RFK: variants seen among roughly 807,000 people sequenced by gnomAD.
The protein encoded by RFK is riboflavin kinase, also known as 0610038L10Rik.
RFK carries 4 observed loss-of-function variants against 17.6 expected under a neutral mutation model. The ratio of observed to expected loss-of-function variants is 0.23; its 90% CI spans 0.11 to 0.52. The LOEUF is 0.52. Ranked by LOEUF, RFK falls within the 20% of genes least tolerant of loss-of-function variation. The pLI, the probability that RFK is intolerant of heterozygous loss-of-function variation, is 0.96. For missense variants in RFK, 189 were observed against 187.7 expected (o/e 1.01, Z -0.04); for synonymous variants, 59 against 63.8 (o/e 0.92, Z 0.36).
rs760905516 is a variant in RFK, at chr9:76,392,716, C to G, written c.83-147G>C. 9.8e-6 allele frequency: 7 copies of G among 711,678 alleles called. No individual in the cohort carries two copies. The East Asian group carries it at 1.6e-4, about 16-fold the overall frequency. 44.1% of individuals were successfully genotyped at this position (711,678 alleles called of 1,614,324 possible). A position where few individuals can be genotyped will look rare whatever the true frequency, so the allele number is the denominator to read the frequency against. On this transcript the variant is annotated intron_variant, in intron 1 of 3. Transcript: ENST00000376736. ...TGAGCTCTGGGGTTTGAGACCGGCC[C>G]GGGTAACATAGTGAGATCTTACCTC... is the stretch of plus-strand genomic sequence containing the variant.
chr9:76,387,587 A>G, intron 3 of RFK, 58 bp from the exon 4 acceptor site: 2 of 1,534,802 alleles, frequency 1.3e-6, no homozygotes, highest in East Asian at 4.5e-5. Context: ...ACTTTTTACT[A>G]CTACTCTGTT....
chr9:76,393,183 A>G (rs1340119519), intron 1 of RFK, among the ~76,000 whole-genome samples: 2 of 151,492 alleles, frequency 1.3e-5, no homozygotes, highest in African/African-American at 2.4e-5. Flanking sequence ...CTAACCAGGT[A>G]CTGAATCACC....
At chr9:76,388,917 C>CA (rs1386342205) in intron 2 of RFK, among the ~76,000 whole-genome samples, 3 of 152,040 alleles carry the variant, frequency 2.0e-5, no homozygotes, top group African/African-American at 4.8e-5. Context: ...CAAACAATAA[C>CA]AAAAAAACTG....
intron 1 of RFK, among the ~76,000 whole-genome samples, chr9:76,392,802 G>A (rs11144871): frequency 0.32 from 49,117 of 152,042 alleles, 8,342 homozygotes; most frequent in African/African-American, 0.4. Context: ...CAGAGAGGCT[G>A]AGGCAGGAGG....
At chr9:76,389,644 C>T (rs544355565) in intron 2 of RFK, among the ~76,000 whole-genome samples, 1 of 152,126 alleles carries the variant, frequency 6.6e-6, no homozygotes, top group South Asian at 2.1e-4. Flanking sequence ...GCCTATAGTC[C>T]CAGCTACTCA....
At chr9:76,392,592 T>C (rs990963083) in intron 1 of RFK, 23 bp from the exon 2 acceptor site, 3 of 1,613,208 alleles carry the variant, frequency 1.9e-6, no homozygotes, top group African/African-American at 2.7e-5. Context: ...AGAAAATATT[T>C]TGAGTCTTAC....
At chr9:76,394,006 G>T in intron 1 of RFK, 84 bp downstream of exon 1, 1 of 1,337,728 alleles carries the variant, frequency 7.5e-7, no homozygotes, top group South Asian at 1.3e-5. Flanking sequence ...GAGGCCCCAC[G>T]CCCCGGTCCC....
rs573973635 is a variant in RFK, at chr9:76,386,701, A to G, written c.*698T>C. 4 of 152,320 alleles carry G rather than the reference A, an allele frequency of 2.6e-5. No homozygotes were observed. Among genetic ancestry groups the G allele is most frequent in the African/African-American group, 4.8e-5 (2 of 41,572 alleles). 9.4% of individuals were successfully genotyped at this position (152,320 alleles called of 1,614,324 possible). A position where few individuals can be genotyped will look rare whatever the true frequency, so the allele number is the denominator to read the frequency against. ...CAGAATTGAAGCAGCTCTATACAAT[A>G]ATGAAGGTGGTACAATGATGTGACT... is the stretch of plus-strand genomic sequence containing the variant. On this transcript the variant is annotated 3_prime_UTR_variant, in exon 4 of 4. Coordinates refer to ENST00000376736, the MANE Select transcript of RFK (RefSeq NM_018339.6).
intron 3 of RFK, chr9:76,388,130 G>C (rs1822763823): frequency 2.6e-6 from 1 of 382,446 alleles, no homozygotes; most frequent in African/African-American, 2.1e-5. Context: ...ATTTACACTT[G>C]TAAAAGAAAC....
chr9:76,391,341 C>G (rs1405739138), intron 2 of RFK, among the ~76,000 whole-genome samples: 1 of 152,162 alleles, frequency 6.6e-6, no homozygotes, highest in Admixed American at 6.5e-5. Flanking sequence ...AAAGATTCAG[C>G]CAAATCTAAC....
rs1339993287 is a variant in RFK, at chr9:76,386,600, T to C, written c.*799A>G. On this transcript the variant is annotated 3_prime_UTR_variant, in exon 4 of 4. Transcript: ENST00000376736. ...AACATTATCCAACAAAAAGGAGACA[T>C]ATAGATTTGAAAACACTTATTTTAC... The C allele has an allele frequency of 1.3e-5, 2 of 152,110 alleles. No individual in the cohort carries two copies. Among genetic ancestry groups the C allele is most frequent in the Non-Finnish European group, 2.9e-5 (2 of 68,008 alleles). 9.4% of individuals were successfully genotyped at this position (152,110 alleles called of 1,614,324 possible).
In RFK at chr9:76,385,591, T is replaced by C. The variant is rs1033865373; in HGVS notation, c.*1808A>G. On this transcript the variant is annotated 3_prime_UTR_variant, in exon 4 of 4. Coordinates refer to ENST00000376736, the MANE Select transcript of RFK (RefSeq NM_018339.6). ...CAGACTAATCAAAATGGTACTACTG[T>C]AACTTCTTATAATACATAATATAAA... 2.6e-5 allele frequency: 4 copies of C among 152,230 alleles called. No homozygotes were observed. The highest frequency in any genetic ancestry group is 9.6e-5 in the African/African-American group (4 of 41,454). The allele number at this position is 152,230 out of a possible 1,614,324, so 9.4% of individuals were successfully genotyped here.
chr9:76,394,289 C>T lies in RFK; in HGVS notation c.-118G>A. 3.2e-6 allele frequency: 3 copies of T among 950,170 alleles called. No individual in the cohort carries two copies. Among genetic ancestry groups the T allele is most frequent in the Non-Finnish European group, 4.5e-6 (3 of 669,738 alleles). 58.9% of individuals were successfully genotyped at this position (950,170 alleles called of 1,614,324 possible). A position where few individuals can be genotyped will look rare whatever the true frequency, so the allele number is the denominator to read the frequency against. On this transcript the variant is annotated 5_prime_UTR_variant, in exon 1 of 4. Coordinates refer to ENST00000376736, the MANE Select transcript of RFK (RefSeq NM_018339.6). ...GGACAGGAGCGTGAGCTCTGCCTGC[C>T]GCGGGGGCGCACCAGTGGCCGGACG...
intron 2 of RFK, among the ~76,000 whole-genome samples, chr9:76,389,697 G>A (rs1002292456): frequency 6.6e-6 from 1 of 152,054 alleles, no homozygotes; most frequent in African/African-American, 2.4e-5. Context: ...GGAGGCGGAG[G>A]TTGCAGTGAG....
At position 76,392,418 on chromosome 9, in the gene RFK, C is replaced by T. The variant is rs773089459; in HGVS notation, c.234G>A (p.Met78Ile). 6.2e-7 allele frequency: 1 copy of T among 1,614,034 alleles called. No homozygotes were observed. The highest frequency in any genetic ancestry group is 1.7e-5 in the Admixed American group (1 of 60,004). Residue 78 changes from methionine (M) to isoleucine (I), a missense_variant and splice_region_variant, in exon 2 of 4, where the codon ATG becomes ATA. Met to Ile is a conservative substitution (Grantham distance 10). Coordinates refer to ENST00000376736, the MANE Select transcript of RFK (RefSeq NM_018339.6). Reference sequence around the variant, plus strand: ...TTACAGAGCAAAATATAATGCTTACCATAGACTTCTTCGTATTCTTGTAAT... The same window carrying T: ...TTACAGAGCAAAATATAATGCTTACTATAGACTTCTTCGTATTCTTGTAAT... ...NPYYKNTKKSMETHIMHTFKE... is the reference protein window; with the variant it reads ...NPYYKNTKKSIETHIMHTFKE...
intron 2 of RFK, among the ~76,000 whole-genome samples, chr9:76,389,470 G>T (rs1300928872): frequency 6.6e-6 from 1 of 152,164 alleles, no homozygotes; most frequent in Admixed American, 6.5e-5. Flanking sequence ...ACTAAGATAT[G>T]TAAGACTGGT....
At position 76,387,353 on chromosome 9, in the gene RFK, C is replaced by T. The variant is rs1237024346; in HGVS notation, c.*46G>A. On this transcript the variant is annotated 3_prime_UTR_variant, in exon 4 of 4. Coordinates refer to ENST00000376736, the MANE Select transcript of RFK (RefSeq NM_018339.6). Reference sequence around the variant, plus strand: ...AGATGATGCTGAACAGTAATAAACACAGAAACACTAGAAAACAGTGAATGA... The same window carrying T: ...AGATGATGCTGAACAGTAATAAACATAGAAACACTAGAAAACAGTGAATGA... The T allele has an allele frequency of 6.4e-7, 1 of 1,556,926 alleles. No individual in the cohort carries two copies. The highest frequency in any genetic ancestry group is 8.7e-7 in the Non-Finnish European group (1 of 1,143,096).
In RFK at chr9:76,394,161, A is replaced by T. The variant is rs778987119; in HGVS notation, c.11T>A (p.Leu4Gln). ...CACTTGACCCCGGCAGAAGTAAGGC[A>T]GGTGCCTCATAATGCAGTCCGCTCG... MRH[L>Q]PYFCRGQVVR... Residue 4 changes from leucine to glutamine, a missense_variant, in exon 1 of 4, where the codon CTG (leucine) becomes CAG (glutamine). Leu to Gln is a moderately radical substitution (Grantham distance 113). Coordinates refer to ENST00000376736, the MANE Select transcript of RFK (RefSeq NM_018339.6). 3 of 1,606,020 alleles carry T rather than the reference A, an allele frequency of 1.9e-6. No individual in the cohort carries two copies. The highest frequency in any genetic ancestry group is 2.5e-6 in the Non-Finnish European group (3 of 1,177,328).
At chr9:76,387,774 C>A in intron 3 of RFK, 1 of 336,624 alleles carries the variant, frequency 3.0e-6, no homozygotes, top group Non-Finnish European at 5.5e-6. Context: ...CTGAGGCGGG[C>A]AGATCACCTG....
Sources: allele counts gnomAD v4.1 joint callset (sites outside exome capture counted in the v4.1 genomes callset), GRCh38; gene constraint gnomAD v4.1.1; transcripts MANE v1.5; gene names NCBI Gene and HGNC (gene_info 2026-07-23, HGNC 2026-07-21).